The following VCAM1 variants were observed in gnomAD, a reference collection of about 807,000 sequenced individuals.
VCAM1 encodes vascular cell adhesion protein 1.
A neutral mutation model predicts 63.8 loss-of-function variants in VCAM1; 41 were observed. That is an observed-to-expected ratio of 0.64 (90% CI 0.50 to 0.83). The LOEUF is 0.83. Ranked by LOEUF, VCAM1 falls within the 40% of genes least tolerant of loss-of-function variation. The pLI is 0.00. For synonymous variants in VCAM1, 338 were observed against 320.7 expected, an observed-to-expected ratio of 1.05 and a Z score of -0.58; for missense variants, 798 against 875.5, an observed-to-expected ratio of 0.91 and a Z score of 1.12.
intron 5 of VCAM1, 136 bp downstream of exon 5, chr1:100,729,518 C>T (rs1660353553): frequency 9.0e-7 from 1 of 1,111,210 alleles, no homozygotes; most frequent in Admixed American, 2.7e-5. Context: ...GTTCCTAAAT[C>T]TGAATCAGAA....
chr1:100,723,426 A>G (rs1660041170), intron 3 of VCAM1, 86 bp downstream of exon 3: 7 of 1,370,598 alleles, frequency 5.1e-6, no homozygotes, highest in Non-Finnish European at 6.9e-6. Context: ...AAAGTAAAAA[A>G]AAAAAAAACT....
chr1:100,725,456 C>G (rs554764015), intron 4 of VCAM1, among the ~76,000 whole-genome samples: 1 of 152,026 alleles, frequency 6.6e-6, no homozygotes, highest in Non-Finnish European at 1.5e-5. Context: ...ATGCCATCCT[C>G]AAGAAATAAC....
rs779933267 is a variant in VCAM1, at chr1:100,732,534, A to C, written c.1642A>C (p.Arg548=). Residue 548 remains arginine (R), a synonymous_variant, in exon 7 of 9, where the codon AGG becomes CGG. Transcript: ENST00000294728. ...GFPAPKILWS[R]QLPNGELQPL... is the part of the protein sequence containing the mutation. ...TCCTGCTCCGAAAATCCTGTGGAGCAGGCAGCTCCCTAACGGGGAGCTACA... is the reference window on the plus strand; with the variant it reads ...TCCTGCTCCGAAAATCCTGTGGAGCCGGCAGCTCCCTAACGGGGAGCTACA... 1.9e-6 allele frequency: 3 copies of C among 1,613,026 alleles called. No individual in the cohort carries two copies. The highest frequency in any genetic ancestry group is 2.5e-6 in the Non-Finnish European group (3 of 1,179,632).
At position 100,723,135 on chromosome 1, in the gene VCAM1, A is replaced by G. The variant is rs527373263; in HGVS notation, c.456A>G (p.Leu152=). Reference sequence around the variant, plus strand: ...CATTTGACAGGCTGGAGATAGACTTACTGAAAGGAGATCATCTCATGAAGA... The same window carrying G: ...CATTTGACAGGCTGGAGATAGACTTGCTGAAAGGAGATCATCTCATGAAGA... ...VYPFDRLEID[L]LKGDHLMKSQ... is the part of the protein sequence containing the mutation. Residue 152 remains leucine (L), a synonymous_variant, in exon 3 of 9, where the codon TTA becomes TTG. Transcript: ENST00000294728. The G allele has an allele frequency of 6.2e-7, 1 of 1,613,038 alleles. No homozygotes were observed. Among genetic ancestry groups the G allele is most frequent in the African/African-American group, 1.3e-5 (1 of 74,852 alleles).
chr1:100,736,070 T>A (rs1660636811), intron 8 of VCAM1: 1 of 152,138 alleles, frequency 6.6e-6, no homozygotes, highest in Admixed American at 6.5e-5. Context: ...GGGAAATTGG[T>A]CCCCTAACAT....
chr1:100,724,597 T>C lies in VCAM1; in HGVS notation c.662-27T>C, dbSNP rs561012059. 7.4e-5 allele frequency: 119 copies of C among 1,604,528 alleles called. 3 individuals are homozygous for C. The South Asian group carries it at 1.0e-3, about 13-fold the overall frequency. ...TTGCACTGGGATGATGCTTAGCAAT[T>C]GCTAATATTATTTTTTGCCCTTTCA... On this transcript the variant is annotated intron_variant, in intron 3 of 8. Coordinates refer to ENST00000294728, the MANE Select transcript of VCAM1 (RefSeq NM_001078.4).
rs943840165 is a variant in VCAM1, at chr1:100,728,827, A to G, written c.929-280A>G. On this transcript the variant is annotated intron_variant, in intron 4 of 8. Transcript: ENST00000294728. ...ACAGTGATTTGATAAACTACATTTG[A>G]GCAGATACTCTATTATTGCTGTGAA... Among the ~76,000 whole-genome samples the G allele has an allele frequency of 7.9e-5, 12 of 151,910 alleles. No individual in the cohort carries two copies. In the South Asian group the frequency reaches 1.2e-3, roughly 16 times the overall value.
intron 8 of VCAM1, chr1:100,735,181 A>G (rs550226226): frequency 1.7e-4 from 27 of 158,294 alleles, no homozygotes; most frequent in Non-Finnish European, 3.6e-4. Context: ...GAGTAACTGC[A>G]ATTTTCTGGA....
Position 100,734,486 on chromosome 1 carries a change from T to C in VCAM1, c.1793-16T>C. 4 of 1,599,514 alleles carry C rather than the reference T, an allele frequency of 2.5e-6. No individual in the cohort carries two copies. Among genetic ancestry groups the C allele is most frequent in the Non-Finnish European group, 3.4e-6 (4 of 1,174,446 alleles). On this transcript the variant is annotated splice_polypyrimidine_tract_variant and intron_variant, in intron 7 of 8. Transcript: ENST00000294728. ...ATTTCACTCAATCAGGGATGTCTTT[T>C]AAATTCTCTTTACAGTTACTCCAAA...
At position 100,731,581 on chromosome 1, in the gene VCAM1, A is replaced by G; in HGVS notation, c.1525+63A>G. 1 of 1,440,126 alleles carries G rather than the reference A, an allele frequency of 6.9e-7. No homozygotes were observed. Among genetic ancestry groups the G allele is most frequent in the Non-Finnish European group, 9.4e-7 (1 of 1,058,340 alleles). 89.2% of individuals were successfully genotyped at this position (1,440,126 alleles called of 1,614,324 possible). A position where few individuals can be genotyped will look rare whatever the true frequency, so the allele number is the denominator to read the frequency against. On this transcript the variant is annotated intron_variant, in intron 6 of 8. Coordinates refer to ENST00000294728, the MANE Select transcript of VCAM1 (RefSeq NM_001078.4). This position sits in a 1 kb window ranked among gnomAD's most constrained non-coding sequence, Gnocchi z 4.2. The stretch of plus-strand genomic sequence containing the variant: ...GTCTCTTTATCGTGTTTGCCAGGCA[A>G]TAGTTAACATAAGGTTAATCGTTAA...
chr1:100,720,696 C>T lies in VCAM1; in HGVS notation c.285C>T (p.Cys95=). The change falls in exon 2 of 9, where the codon TGC becomes TGT. Residue 95 remains cysteine, a synonymous_variant. Transcript: ENST00000294728. ...TTGGGAACGAACACTCTTACCTGTGCACAGCAACTTGTGAATCTAGGAAAT... is the reference window on the plus strand; with the variant it reads ...TTGGGAACGAACACTCTTACCTGTGTACAGCAACTTGTGAATCTAGGAAAT... ...VSFGNEHSYL[C]TATCESRKLE... 1.2e-6 allele frequency: 2 copies of T among 1,613,082 alleles called. No homozygotes were observed. Among genetic ancestry groups the T allele is most frequent in the Non-Finnish European group, 1.7e-6 (2 of 1,179,360 alleles).
chr1:100,723,382 C>A, intron 3 of VCAM1, 42 bp downstream of exon 3: 1 of 1,585,314 alleles, frequency 6.3e-7, no homozygotes, highest in South Asian at 1.1e-5. Context: ...GTGGGAATCC[C>A]ACCTTGGTTG....
At chr1:100,724,401 A>G (rs979654211) in intron 3 of VCAM1, among the ~76,000 whole-genome samples, 5 of 152,032 alleles carry the variant, frequency 3.3e-5, no homozygotes, top group Non-Finnish European at 5.9e-5. Context: ...TTAATTTCTG[A>G]GTATCTACAA....
In VCAM1 at chr1:100,734,675, C is replaced by G; in HGVS notation, c.1966C>G (p.Arg656Gly). ...LKSIDGAYTIRKAQLKDAGVY... is the reference protein window; with the variant it reads ...LKSIDGAYTIGKAQLKDAGVY... ...ATCTATAGATGGCGCCTATACCATC[C>G]GAAAGGCCCAGTTGAAGGATGCGGG... is the stretch of plus-strand genomic sequence containing the variant. The change falls in exon 8 of 9, where the codon CGA (arginine) becomes GGA (glycine). Residue 656 changes from arginine to glycine, a missense_variant. Arg to Gly is a moderately radical substitution (Grantham distance 125). Coordinates refer to ENST00000294728, the MANE Select transcript of VCAM1 (RefSeq NM_001078.4). 6.2e-7 allele frequency: 1 copy of G among 1,613,926 alleles called. No homozygotes were observed. The highest frequency in any genetic ancestry group is 8.5e-7 in the Non-Finnish European group (1 of 1,179,916).
In VCAM1 at chr1:100,738,881, T is replaced by A. The variant is rs2100838595; in HGVS notation, c.*598T>A. On this transcript the variant is annotated 3_prime_UTR_variant, in exon 9 of 9. Transcript: ENST00000294728. ...CCTATGGTATAATGGTTGACTGGGT[T>A]TCTCTGTATAGTACTGGCATGGTAC... The A allele has an allele frequency of 6.6e-6, 1 of 152,406 alleles. No homozygotes were observed. Among genetic ancestry groups the A allele is most frequent in the Non-Finnish European group, 1.5e-5 (1 of 68,076 alleles). 9.4% of individuals were successfully genotyped at this position (152,406 alleles called of 1,614,324 possible). A position where few individuals can be genotyped will look rare whatever the true frequency, so the allele number is the denominator to read the frequency against.
chr1:100,734,570 A>G lies in VCAM1; in HGVS notation c.1861A>G (p.Ile621Val). Residue 621 changes from isoleucine to valine, a missense_variant, in exon 8 of 9, where the codon ATC (isoleucine) becomes GTC (valine). Transcript: ENST00000294728. ...TGTCAAAGAAGGAGACACTGTCATC[A>G]TCTCTTGTACATGTGGAAATGTTCC... ...ESVKEGDTVI[I>V]SCTCGNVPET... is the part of the protein sequence containing the mutation. 1 of 1,613,898 alleles carries G rather than the reference A, an allele frequency of 6.2e-7. No homozygotes were observed. The highest frequency in any genetic ancestry group is 8.5e-7 in the Non-Finnish European group (1 of 1,179,884).
chr1:100,726,014 A>G (rs1220389932), intron 4 of VCAM1, among the ~76,000 whole-genome samples: 6 of 152,082 alleles, frequency 3.9e-5, no homozygotes, highest in East Asian at 1.9e-4. Context: ...TCTCCTGTCT[A>G]ACTGAACCTT....
intron 3 of VCAM1, among the ~76,000 whole-genome samples, 189 bp downstream of exon 3, chr1:100,723,529 A>G (rs974037328): frequency 3.3e-5 from 5 of 152,162 alleles, no homozygotes; most frequent in African/African-American, 1.2e-4. Flanking sequence ...TTGGACTGAG[A>G]AGGCTTGAGC....
chr1:100,721,093 T>C (rs1237257594), intron 2 of VCAM1, among the ~76,000 whole-genome samples: 1 of 152,168 alleles, frequency 6.6e-6, no homozygotes, highest in Non-Finnish European at 1.5e-5. Flanking sequence ...ACATGTTTAC[T>C]TGCTTATGTG....
Sources: gnomAD v4.1 joint callset for allele counts (sites outside exome capture counted in the v4.1 genomes callset) on GRCh38, gnomAD v4.1.1 for gene constraint, Gnocchi (gnomAD v3.1) non-coding constraint, MANE v1.5 for transcripts, NCBI Gene and HGNC (gene_info 2026-07-23, HGNC 2026-07-21) for gene names.